The following NCAPD2 variants were observed in gnomAD, a reference collection of about 807,000 sequenced individuals.
NCAPD2 encodes the protein non-SMC condensin I complex subunit D2.
In NCAPD2, 100 loss-of-function variants were observed where a neutral mutation model predicts 164.5. The observed-to-expected ratio is 0.61, with a 90% CI of 0.52 to 0.72. The LOEUF (loss-of-function observed/expected upper bound fraction) is 0.72. Ranked by LOEUF, NCAPD2 falls within the 30% of genes least tolerant of loss-of-function variation. NCAPD2 has a pLI of 0.00. For missense variants in NCAPD2, 1,560 were observed against 1,749.2 expected (o/e 0.89, Z 1.93); for synonymous variants, 585 against 642.6 (o/e 0.91, Z 1.36).
intron 2 of NCAPD2, among the ~76,000 whole-genome samples, chr12:6,499,725 C>T (rs1354839250): frequency 6.6e-6 from 1 of 152,128 alleles, no homozygotes; most frequent in Non-Finnish European, 1.5e-5. Flanking sequence ...TATTTTCAGA[C>T]TTGAGATTGA....
intron 10 of NCAPD2, 120 bp downstream of exon 10, chr12:6,517,145 T>C (rs1946209927): frequency 7.6e-7 from 1 of 1,318,714 alleles, no homozygotes; most frequent in Non-Finnish European, 1.1e-6. Flanking sequence ...ATTTTTATTA[T>C]CAGTAGTAAA....
In NCAPD2 at chr12:6,527,999, C is replaced by G. The variant is rs1415425459; in HGVS notation, c.3051C>G (p.Leu1017=). The stretch of plus-strand genomic sequence containing the variant: ...AGACACTGGCTGCCTTTGTTCCACT[C>G]TTGCTTAAAGTCTGTAACAACCCAG... ...GKQTLAAFVP[L]LLKVCNNPGL... The change falls in exon 24 of 32, where the codon CTC becomes CTG. Residue 1017 remains leucine, a synonymous_variant. Coordinates refer to ENST00000315579, the MANE Select transcript of NCAPD2 (RefSeq NM_014865.4). 2 of 1,614,148 alleles carry G rather than the reference C, an allele frequency of 1.2e-6. No homozygotes were observed. Among genetic ancestry groups the G allele is most frequent in the Non-Finnish European group, 1.7e-6 (2 of 1,180,056 alleles).
At chr12:6,504,201 A>ATATG (rs1555137407) in intron 2 of NCAPD2, among the ~76,000 whole-genome samples, 5 of 22,682 alleles carry the variant, frequency 2.2e-4, no homozygotes, top group Non-Finnish European at 3.3e-4. Context: ...ATATATATAT[A>ATATG]TATATATATA....
intron 2 of NCAPD2, among the ~76,000 whole-genome samples, chr12:6,508,825 C>G (rs1409800988): frequency 6.6e-6 from 1 of 152,210 alleles, no homozygotes; most frequent in Non-Finnish European, 1.5e-5. Flanking sequence ...TCACTTCATG[C>G]ACCTCTTGAT....
At position 6,526,385 on chromosome 12, in the gene NCAPD2, G is replaced by A. The variant is rs776023945; in HGVS notation, c.2566+14G>A. Reference sequence around the variant, plus strand: ...CAGTCACAAAAGGTGAGCTCTCAGGGAAGGCCTTGGGCAGAATTGGGCCCT... The same window carrying A: ...CAGTCACAAAAGGTGAGCTCTCAGGAAAGGCCTTGGGCAGAATTGGGCCCT... On this transcript the variant is annotated intron_variant, in intron 20 of 31. Transcript: ENST00000315579. 2.5e-6 allele frequency: 4 copies of A among 1,614,056 alleles called. No individual in the cohort carries two copies. Among genetic ancestry groups the A allele is most frequent in the Non-Finnish European group, 3.4e-6 (4 of 1,180,032 alleles).
At position 6,499,984 on chromosome 12, in the gene NCAPD2, G is replaced by A. The variant is rs138128744; in HGVS notation, c.127+4759G>A. On this transcript the variant is annotated intron_variant, in intron 2 of 31. Coordinates refer to ENST00000315579, the MANE Select transcript of NCAPD2 (RefSeq NM_014865.4). ...AAAATTACAAAAAAGTTAGCCAGGC[G>A]TGGTGGTGCACACCTGTAGTTCCAG... is the stretch of plus-strand genomic sequence containing the variant. Among the ~76,000 whole-genome samples, 146 of 152,250 alleles carry A rather than the reference G, an allele frequency of 9.6e-4. 1 individual carries two copies. The highest frequency in any genetic ancestry group is 3.3e-3 in the African/African-American group (138 of 41,542).
intron 29 of NCAPD2, 89 bp downstream of exon 29, chr12:6,530,047 C>T (rs1946357296): frequency 7.1e-7 from 1 of 1,417,134 alleles, no homozygotes; most frequent in African/African-American, 1.4e-5. Context: ...CTCTTGCAGT[C>T]ACCTTCCCGT....
chr12:6,523,110 C>T (rs1946280356), intron 16 of NCAPD2, 108 bp downstream of exon 16: 2 of 1,475,444 alleles, frequency 1.4e-6, no homozygotes, highest in Non-Finnish European at 1.9e-6. Flanking sequence ...AGTTCCAGAT[C>T]CATAGGCAGT....
At position 6,517,558 on chromosome 12, in the gene NCAPD2, T is replaced by C; in HGVS notation, c.1321-38T>C. ...TTAAATGGAAACAGGGATGAAATTA[T>C]GTCATTTACTGACCCTGCTATTCAT... is the stretch of plus-strand genomic sequence containing the variant. On this transcript the variant is annotated intron_variant, in intron 11 of 31. Coordinates refer to ENST00000315579, the MANE Select transcript of NCAPD2 (RefSeq NM_014865.4). 3 of 1,614,246 alleles carry C rather than the reference T, an allele frequency of 1.9e-6. 1 individual carries two copies. The East Asian group carries it at 6.7e-5, about 36-fold the overall frequency.
rs1334688291 is a variant in NCAPD2 at position 6,531,381 on chromosome 12, T to C, written c.4175T>C (p.Leu1392Pro). Residue 1392 changes from leucine to proline, a missense_variant, in exon 32 of 32, where the codon CTC becomes CCC. By Grantham distance (98) the Leu-to-Pro change is moderately conservative. Transcript: ENST00000315579. The surrounding 1 kb of genome is among the most constrained non-coding windows in gnomAD (Gnocchi z 4.1). ...ACACCCAAGAAAACAACTCCCATTC[T>C]CAGAGCATCGGCTCGCAGGCACAGA... is the stretch of plus-strand genomic sequence containing the variant. ...DETPKKTTPILRASARRHRS is the reference protein window; with the variant it reads ...DETPKKTTPIPRASARRHRS 6.2e-7 allele frequency: 1 copy of C among 1,613,996 alleles called. No homozygotes were observed. Among genetic ancestry groups the C allele is most frequent in the South Asian group, 1.1e-5 (1 of 91,068 alleles).
At position 6,528,414 on chromosome 12, in the gene NCAPD2, C is replaced by T; in HGVS notation, c.3299+86C>T. 6.4e-7 allele frequency: 1 copy of T among 1,560,304 alleles called. No homozygotes were observed. The highest frequency in any genetic ancestry group is 1.7e-5 in the Admixed American group (1 of 59,010). On this transcript the variant is annotated intron_variant, in intron 25 of 31. Coordinates refer to ENST00000315579, the MANE Select transcript of NCAPD2 (RefSeq NM_014865.4). The surrounding 1 kb of genome is among the most constrained non-coding windows in gnomAD (Gnocchi z 5.1). Reference sequence around the variant, plus strand: ...AGTGTGAGAATCACCAGGGCTCTTCCCCTAGGCTTTGGCATCACCGCGAAC... The same window carrying T: ...AGTGTGAGAATCACCAGGGCTCTTCTCCTAGGCTTTGGCATCACCGCGAAC...
intron 2 of NCAPD2, among the ~76,000 whole-genome samples, chr12:6,501,122 G>A (rs549036704): frequency 2.1e-4 from 32 of 149,442 alleles, no homozygotes; most frequent in Non-Finnish European, 3.0e-4. Context: ...GTGCAGTGGC[G>A]TGATCTTGGC....
At chr12:6,524,527 T>A (rs1021857546) in intron 17 of NCAPD2, among the ~76,000 whole-genome samples, 2 of 151,480 alleles carry the variant, frequency 1.3e-5, no homozygotes, top group Non-Finnish European at 2.9e-5. Context: ...TGGGCACCTG[T>A]AGTCCCAGCT....
At chr12:6,519,615 CT>C (rs1378777397) in intron 13 of NCAPD2, among the ~76,000 whole-genome samples, 8 of 152,034 alleles carry the variant, frequency 5.3e-5, no homozygotes, top group Non-Finnish European at 7.4e-5. Flanking sequence ...AACATGTATT[CT>C]TTTTTTCCCC....
Position 6,495,239 on chromosome 12 carries a change from G to T in NCAPD2, c.127+14G>T. On this transcript the variant is annotated intron_variant, in intron 2 of 31. Transcript: ENST00000315579. ...CACAGCTTAGAGGTAAGAGTCCATA[G>T]CTGTCACTGTACCTAGCTCTTTCAA... 1 of 1,613,974 alleles carries T rather than the reference G, an allele frequency of 6.2e-7. No individual in the cohort carries two copies. The highest frequency in any genetic ancestry group is 8.5e-7 in the Non-Finnish European group (1 of 1,179,892).
In NCAPD2 at chr12:6,531,505, T is replaced by C; in HGVS notation, c.*93T>C. On this transcript the variant is annotated 3_prime_UTR_variant, in exon 32 of 32. Coordinates refer to ENST00000315579, the MANE Select transcript of NCAPD2 (RefSeq NM_014865.4). This position sits in a 1 kb window ranked among gnomAD's most constrained non-coding sequence, Gnocchi z 4.1. ...CCTTGTAAAATATTTGTCTGTCTCT[T>C]TTTTTTAAAAAAAAAAAAGGCCGGG... 1 of 1,255,460 alleles carries C rather than the reference T, an allele frequency of 8.0e-7. No individual in the cohort carries two copies. 77.8% of individuals were successfully genotyped at this position (1,255,460 alleles called of 1,614,324 possible).
In NCAPD2 at chr12:6,527,820, T is replaced by C. The variant is rs774202915; in HGVS notation, c.2951T>C (p.Val984Ala). 7 of 1,613,800 alleles carry C rather than the reference T, an allele frequency of 4.3e-6. No individual in the cohort carries two copies. The highest frequency in any genetic ancestry group is 2.2e-5 in the South Asian group (2 of 91,062). Residue 984 changes from valine to alanine, a missense_variant, in exon 23 of 32, where the codon GTT becomes GCT. Physicochemically the swap from Val to Ala is moderately conservative, Grantham distance 64 (BLOSUM62 0). Transcript: ENST00000315579. ...ACCATGGAGGAGGAGCTGGGGCTGG[T>C]TGGGGCAACAGCAGATGACACAGAG... Reference protein sequence around the residue: ...ETTMEEELGLVGATADDTEAE... With the variant: ...ETTMEEELGLAGATADDTEAE...
chr12:6,529,135 G>A, intron 27 of NCAPD2, 96 bp downstream of exon 27: 1 of 1,132,392 alleles, frequency 8.8e-7, no homozygotes, highest in Non-Finnish European at 1.3e-6. Flanking sequence ...CTACTCTTTA[G>A]CTGTACAGCC....
intron 2 of NCAPD2, among the ~76,000 whole-genome samples, chr12:6,503,216 A>T (rs188149685): frequency 1.3e-3 from 197 of 152,212 alleles, no homozygotes; most frequent in African/African-American, 4.3e-3. Flanking sequence ...CAGAGAAGTG[A>T]ATATGTGATA....
Sources: allele counts gnomAD v4.1 joint callset (sites outside exome capture counted in the v4.1 genomes callset), GRCh38; gene constraint gnomAD v4.1.1; non-coding constraint Gnocchi (gnomAD v3.1); transcripts MANE v1.5; gene names NCBI Gene and HGNC (gene_info 2026-07-23, HGNC 2026-07-21).